SERPINB7: variants seen among roughly 807,000 people sequenced by gnomAD.
SERPINB7 encodes the protein serpin B7.
In SERPINB7, 31 loss-of-function variants were observed where a neutral mutation model predicts 37.4. That is an observed-to-expected ratio of 0.83 (90% CI 0.62 to 1.12). The LOEUF (loss-of-function observed/expected upper bound fraction) is 1.12. SERPINB7 is among the 50% of genes most tolerant of loss of function. The pLI, the probability that SERPINB7 is intolerant of heterozygous loss-of-function variation, is 0.00. For missense variants in SERPINB7, 521 were observed against 455.3 expected (o/e 1.14, Z -1.31); for synonymous variants, 163 against 166.1 (o/e 0.98, Z 0.14).
At position 63,804,528 on chromosome 18, in the gene SERPINB7, G is replaced by A; in HGVS notation, c.1036G>A (p.Glu346Lys). The A allele has an allele frequency of 6.2e-7, 1 of 1,613,804 alleles. No homozygotes were observed. Among genetic ancestry groups the A allele is most frequent in the Non-Finnish European group, 8.5e-7 (1 of 1,179,882 alleles). The change falls in exon 8 of 8, where the codon GAA (glutamate) becomes AAA (lysine). Residue 346 changes from glutamate to lysine, a missense_variant. Coordinates refer to ENST00000398019, the MANE Select transcript of SERPINB7 (RefSeq NM_003784.4). ...ATAATGSNIV[E>K]KQLPQSTLFR... ...TGCTGCCACAGGAAGTAATATTGTA[G>A]AAAAGCAACTCCCTCAGTCCACGCT...
Position 63,805,120 on chromosome 18 carries a change from T to C in SERPINB7, c.*485T>C, listed in dbSNP as rs79060275. 0.038 allele frequency: 5,936 copies of C among 154,968 alleles called. 150 individuals are homozygous for C. The highest frequency in any genetic ancestry group is 0.076 in the African/African-American group (3,179 of 41,578). 9.6% of individuals were successfully genotyped at this position (154,968 alleles called of 1,614,324 possible). A position where few individuals can be genotyped will look rare whatever the true frequency, so the allele number is the denominator to read the frequency against. On this transcript the variant is annotated 3_prime_UTR_variant, in exon 8 of 8. Coordinates refer to ENST00000398019, the MANE Select transcript of SERPINB7 (RefSeq NM_003784.4). The stretch of plus-strand genomic sequence containing the variant: ...ATTTTAGAGTTTACCTTCATATGTT[T>C]GATTTTAAATCAGTGTATAATCTAG...
chr18:63,755,145 C>T (rs2049114567), intron 1 of SERPINB7, among the ~76,000 whole-genome samples: 1 of 151,958 alleles, frequency 6.6e-6, no homozygotes, highest in Non-Finnish European at 1.5e-5. Flanking sequence ...ACCTCATGAT[C>T]CACCCGCCTC....
At chr18:63,771,604 C>G (rs144877439), upstream of SERPINB7, among the ~76,000 whole-genome samples, 2 of 151,910 alleles carry the variant, frequency 1.3e-5, no homozygotes, top group Admixed American at 6.6e-5. Context: ...AACCTCTGCC[C>G]GTAAATTAAA....
At chr18:63,776,578 C>T (rs1241579233) in intron 1 of SERPINB7, among the ~76,000 whole-genome samples, 1 of 150,460 alleles carries the variant, frequency 6.6e-6, no homozygotes, top group Non-Finnish European at 1.5e-5. Flanking sequence ...TCTTGTGTGC[C>T]TTAAGATAGT....
chr18:63,757,790 T>C (rs1019548029), intron 1 of SERPINB7, among the ~76,000 whole-genome samples: 8 of 152,224 alleles, frequency 5.3e-5, no homozygotes, highest in African/African-American at 1.9e-4. Flanking sequence ...TTGCTTAATC[T>C]TTCATTTAAC....
chr18:63,754,710 C>G (rs558482374), intron 1 of SERPINB7, among the ~76,000 whole-genome samples: 1 of 152,284 alleles, frequency 6.6e-6, no homozygotes, highest in African/African-American at 2.4e-5. Flanking sequence ...CATTTCCACT[C>G]CGAAGCTTTC....
intron 2 of SERPINB7, among the ~76,000 whole-genome samples, chr18:63,783,182 AAGAAAGAGAGAGAGAGAGAGAGAG>A (rs1301688815): frequency 5.5e-5 from 5 of 91,188 alleles, no homozygotes; most frequent in South Asian, 4.3e-4. Context: ...TAAAGAAAGA[AAGAAAGAGAGAGAGAGAGAGAGAG>A]AGAGAGAGAG....
chr18:63,796,698 A>G (rs1022945847), intron 5 of SERPINB7, among the ~76,000 whole-genome samples: 2 of 152,220 alleles, frequency 1.3e-5, no homozygotes, highest in African/African-American at 4.8e-5. Context: ...TTGATAAATT[A>G]ACCTCAATAT....
intron 1 of SERPINB7, chr18:63,753,264 G>A (rs571489322): frequency 6.6e-6 from 1 of 152,312 alleles, no homozygotes; most frequent in South Asian, 2.1e-4. Context: ...TGGCATCTGG[G>A]ATTCTGGCAG....
At chr18:63,793,835 A>AT (rs926205420) in intron 4 of SERPINB7, among the ~76,000 whole-genome samples, 5 of 151,736 alleles carry the variant, frequency 3.3e-5, no homozygotes, top group Non-Finnish European at 7.4e-5. Context: ...AGTTTTATGT[A>AT]TTTTTTTTAA....
intron 2 of SERPINB7, among the ~76,000 whole-genome samples, chr18:63,786,625 TA>T (rs1306555755): frequency 3.5e-4 from 44 of 127,490 alleles, no homozygotes; most frequent in Admixed American, 7.1e-4. Context: ...TCTTTTTTTT[TA>T]AAAAAAATCC....
chr18:63,802,457 C>T (rs1344963073), intron 7 of SERPINB7, among the ~76,000 whole-genome samples: 1 of 152,122 alleles, frequency 6.6e-6, no homozygotes, highest in Non-Finnish European at 1.5e-5. Context: ...CTACTACATC[C>T]CAGGCCATGT....
chr18:63,764,434 C>T (rs191553644), intron 1 of SERPINB7, among the ~76,000 whole-genome samples: 55 of 152,172 alleles, frequency 3.6e-4, no homozygotes, highest in African/African-American at 1.2e-3. Context: ...TCTGACTGTC[C>T]CTATCCATGT....
intron 1 of SERPINB7, among the ~76,000 whole-genome samples, chr18:63,756,486 A>G (rs1245026051): frequency 6.6e-6 from 1 of 152,214 alleles, no homozygotes; most frequent in Non-Finnish European, 1.5e-5. Context: ...AAATGAGGAC[A>G]CAGCAATGCA....
chr18:63,758,321 CT>C (rs899670988), intron 1 of SERPINB7, among the ~76,000 whole-genome samples: 1 of 152,174 alleles, frequency 6.6e-6, no homozygotes. Context: ...GAACAGATAT[CT>C]TTTTCCTCAG....
upstream of SERPINB7, among the ~76,000 whole-genome samples, chr18:63,774,240 A>G (rs2049229203): frequency 6.6e-6 from 1 of 152,094 alleles, no homozygotes; most frequent in Non-Finnish European, 1.5e-5. Flanking sequence ...TAACTACTTT[A>G]TTCGATTTTG....
intron 1 of SERPINB7, among the ~76,000 whole-genome samples, chr18:63,760,845 A>G (rs868465119): frequency 4.6e-5 from 7 of 152,328 alleles, no homozygotes; most frequent in Middle Eastern, 6.8e-3. Context: ...AGATTTCAGA[A>G]GATGTATAGA....
chr18:63,788,901 C>T (rs1206355061), intron 2 of SERPINB7, among the ~76,000 whole-genome samples: 1 of 152,118 alleles, frequency 6.6e-6, no homozygotes, highest in African/African-American at 2.4e-5. Flanking sequence ...TAGGCCATAC[C>T]ATCTAGGTTT....
intron 2 of SERPINB7, among the ~76,000 whole-genome samples, chr18:63,785,889 TATATATAATATACGTATATATACAC>T (rs1568209149): frequency 7.3e-5 from 10 of 136,062 alleles, no homozygotes; most frequent in Non-Finnish European, 1.1e-4. Context: ...GCTTTATATA[TATATATAATATACGTATATATACAC>T]ATATATAATA....
Sources: allele counts gnomAD v4.1 joint callset (sites outside exome capture counted in the v4.1 genomes callset), GRCh38; gene constraint gnomAD v4.1.1; transcripts MANE v1.5; gene names NCBI Gene and HGNC (gene_info 2026-07-23, HGNC 2026-07-21).